Variants in ERC2 observed in about 807,000 individuals in gnomAD.
ERC2 encodes the protein ELKS/RAB6-interacting/CAST family member 2.
In ERC2, 42 loss-of-function variants were observed where a neutral mutation model predicts 114.8. That is an observed-to-expected ratio of 0.37 (90% CI 0.29 to 0.47). The LOEUF (loss-of-function observed/expected upper bound fraction) is 0.47, where lower values mean the gene tolerates loss of function less well. Ranked by LOEUF, ERC2 falls within the 20% of genes least tolerant of loss-of-function variation. The pLI is 0.99. For synonymous variants in ERC2, 454 were observed against 425.5 expected, an observed-to-expected ratio of 1.07 and a Z score of -0.82; for missense variants, 939 against 1,150.7, an observed-to-expected ratio of 0.82 and a Z score of 2.66.
At chr3:56,048,418 T>TA (rs1287558489) in intron 7 of ERC2, among the ~76,000 whole-genome samples, 2 of 152,200 alleles carry the variant, frequency 1.3e-5, no homozygotes, top group Non-Finnish European at 2.9e-5. Flanking sequence ...CTTGCTTTGT[T>TA]AAAAACCATA....
chr3:55,868,242 C>T (rs1390739999), intron 14 of ERC2, among the ~76,000 whole-genome samples: 1 of 152,182 alleles, frequency 6.6e-6, no homozygotes, highest in Non-Finnish European at 1.5e-5. Flanking sequence ...AACACAAGTG[C>T]ACAGTCAAGT....
rs575902967 is a variant in ERC2, at chr3:56,009,209, G to A, written c.1920+1240C>T. Among the ~76,000 whole-genome samples, 204 of 152,220 alleles carry A rather than the reference G, an allele frequency of 1.3e-3. 1 individual carries two copies. The highest frequency in any genetic ancestry group is 1.9e-3 in the Non-Finnish European group (126 of 68,012). On this transcript the variant is annotated intron_variant, in intron 9 of 17. Coordinates refer to ENST00000288221, the MANE Select transcript of ERC2 (RefSeq NM_015576.3). Reference sequence around the variant, plus strand: ...AAACCGACAAATAACACTTGCAACCGGTGAAGAATGCTATAAACAAAGTCA... The same window carrying A: ...AAACCGACAAATAACACTTGCAACCAGTGAAGAATGCTATAAACAAAGTCA...
In ERC2 at chr3:56,023,168, A is replaced by ATTT. The variant is rs1359533092; in HGVS notation, c.1642-4138_1642-4137insAAA. ...AAAGGGACCATTGACTAACAGCCACAGCCTCCTTGACTCCACATTTGCTCC... is the reference window on the plus strand; with the variant it reads ...AAAGGGACCATTGACTAACAGCCACATTTGCCTCCTTGACTCCACATTTGCTCC... On this transcript the variant is annotated intron_variant, in intron 7 of 17. Transcript: ENST00000288221. Among the ~76,000 whole-genome samples the ATTT allele has an allele frequency of 3.3e-5, 5 of 152,290 alleles. No individual in the cohort carries two copies. In the East Asian group the frequency reaches 7.7e-4, roughly 23 times the overall value.
At chr3:55,712,645 TGGA>T (rs2063833056) in intron 15 of ERC2, among the ~76,000 whole-genome samples, 1 of 152,184 alleles carries the variant, frequency 6.6e-6, no homozygotes, top group African/African-American at 2.4e-5. Context: ...TCCTTATCAC[TGGA>T]GATGGGAGAC....
At chr3:56,233,587 T>G (rs977367365) in intron 3 of ERC2, among the ~76,000 whole-genome samples, 5 of 144,250 alleles carry the variant, frequency 3.5e-5, no homozygotes, top group African/African-American at 1.0e-4. Context: ...GAGGTTGCAG[T>G]AAGCCAAGAT....
At chr3:56,366,813 C>T (rs1346732743) in intron 2 of ERC2, among the ~76,000 whole-genome samples, 3 of 152,234 alleles carry the variant, frequency 2.0e-5, no homozygotes. Flanking sequence ...ACCAGATCAG[C>T]ATCCACTTGG....
chr3:56,061,919 G>A (rs1019482576), intron 7 of ERC2, among the ~76,000 whole-genome samples: 4 of 152,130 alleles, frequency 2.6e-5, no homozygotes, highest in Non-Finnish European at 4.4e-5. Flanking sequence ...TGATATACAC[G>A]TGGGTATAAG....
At chr3:56,356,732 T>G (rs1156247902) in intron 2 of ERC2, among the ~76,000 whole-genome samples, 4 of 152,166 alleles carry the variant, frequency 2.6e-5, no homozygotes, top group Admixed American at 2.6e-4. Context: ...CAACTCCAGC[T>G]AACACAGTCT....
At chr3:56,266,268 C>A (rs1296096417) in intron 3 of ERC2, among the ~76,000 whole-genome samples, 2 of 150,162 alleles carry the variant, frequency 1.3e-5, no homozygotes, top group Non-Finnish European at 3.0e-5. Flanking sequence ...GTAGCTGGGA[C>A]TACAGGCGCC....
intron 10 of ERC2, among the ~76,000 whole-genome samples, chr3:55,996,855 G>C (rs1461324767): frequency 6.6e-6 from 1 of 152,182 alleles, no homozygotes; most frequent in Non-Finnish European, 1.5e-5. Flanking sequence ...AGGAAATAAG[G>C]CAAAACTTCA....
intron 12 of ERC2, among the ~76,000 whole-genome samples, chr3:55,975,007 G>C (rs1200826925): frequency 6.6e-6 from 1 of 152,156 alleles, no homozygotes; most frequent in Non-Finnish European, 1.5e-5. Flanking sequence ...AAAAAGCCTT[G>C]CTTTGGAATC....
chr3:56,339,469 AG>A (rs2058000107), intron 2 of ERC2, among the ~76,000 whole-genome samples: 1 of 152,150 alleles, frequency 6.6e-6, no homozygotes, highest in African/African-American at 2.4e-5. Flanking sequence ...TGTGGCTGGC[AG>A]GAGAAGCCAG....
In ERC2 at chr3:56,032,827, C is replaced by T. The variant is rs149784140; in HGVS notation, c.1642-13796G>A. Among the ~76,000 whole-genome samples, 14 of 133,958 alleles carry T rather than the reference C, an allele frequency of 1.0e-4. No individual in the cohort carries two copies. The East Asian group carries it at 2.4e-3, about 23-fold the overall frequency. The allele number at this position is 133,958 out of a possible 152,430, so 87.9% of individuals were successfully genotyped here. A position where few individuals can be genotyped will look rare whatever the true frequency, so the allele number is the denominator to read the frequency against. ...CTCCAACCTGAGAAACATAGTGAGA[C>T]CCTGTCTGTTGGAAGAACAAAAGAA... On this transcript the variant is annotated intron_variant, in intron 7 of 17. Coordinates refer to ENST00000288221, the MANE Select transcript of ERC2 (RefSeq NM_015576.3).
intron 1 of ERC2, among the ~76,000 whole-genome samples, chr3:56,455,318 G>A (rs2107539200): frequency 6.6e-6 from 1 of 152,020 alleles, no homozygotes; most frequent in South Asian, 2.1e-4. Context: ...TACTCTCCTA[G>A]CCTTTGTGTA....
At chr3:56,084,094 C>CA in intron 6 of ERC2, among the ~76,000 whole-genome samples, 1 of 151,796 alleles carries the variant, frequency 6.6e-6, no homozygotes. Context: ...TACAAATACC[C>CA]AAAAAACATA....
At chr3:56,095,223 T>C (rs965391350) in intron 6 of ERC2, among the ~76,000 whole-genome samples, 1 of 152,122 alleles carries the variant, frequency 6.6e-6, no homozygotes, top group Non-Finnish European at 1.5e-5. Flanking sequence ...GAGTAGGACA[T>C]GGGCTCAAAA....
intron 17 of ERC2, among the ~76,000 whole-genome samples, chr3:55,543,476 C>A (rs2054536361): frequency 1.3e-5 from 2 of 152,204 alleles, no homozygotes; most frequent in African/African-American, 4.8e-5. Flanking sequence ...CAGCCTGGCT[C>A]CAGTGCGGTC....
chr3:55,837,999 G>T (rs1249404931), intron 14 of ERC2, among the ~76,000 whole-genome samples: 1 of 150,754 alleles, frequency 6.6e-6, no homozygotes, highest in Non-Finnish European at 1.5e-5. Context: ...AGTAATAAAA[G>T]ATAATCATTA....
At chr3:55,585,430 A>C (rs1356645926) in intron 17 of ERC2, among the ~76,000 whole-genome samples, 1 of 152,196 alleles carries the variant, frequency 6.6e-6, no homozygotes, top group East Asian at 1.9e-4. Context: ...CCCAATAAGC[A>C]ACCTGTCAGT....
Sources: allele counts gnomAD v4.1 joint callset (sites outside exome capture counted in the v4.1 genomes callset), GRCh38; gene constraint gnomAD v4.1.1; transcripts MANE v1.5; gene names NCBI Gene and HGNC (gene_info 2026-07-23, HGNC 2026-07-21).